The following HDAC9 variants were observed in gnomAD, a reference collection of about 807,000 sequenced individuals.
HDAC9 encodes MEF-2 interacting transcription repressor (MITR) protein.
In HDAC9, 41 loss-of-function variants were observed where a neutral mutation model predicts 139.4. The observed-to-expected ratio is 0.29, with a 90% CI of 0.23 to 0.38. The LOEUF (loss-of-function observed/expected upper bound fraction) is 0.38. Among genes scored for constraint, HDAC9 ranks in the 10% least tolerant of loss-of-function variants. The pLI, the probability that HDAC9 is intolerant of heterozygous loss-of-function variation, is 1.00. For missense variants in HDAC9, 1,147 were observed against 1,297.0 expected, an observed-to-expected ratio of 0.88 and a Z score of 1.78; for synonymous variants, 517 against 476.2, an observed-to-expected ratio of 1.09 and a Z score of -1.12.
At chr7:18,837,545 C>G (rs1443764647) in intron 21 of HDAC9, among the ~76,000 whole-genome samples, 1 of 152,044 alleles carries the variant, frequency 6.6e-6, no homozygotes, top group East Asian at 1.9e-4. Flanking sequence ...GTTAAATACA[C>G]ATTAAATTCT....
intron 1 of HDAC9, among the ~76,000 whole-genome samples, chr7:18,371,956 A>G (rs978607566): frequency 6.6e-6 from 1 of 152,180 alleles, no homozygotes; most frequent in African/African-American, 2.4e-5. Flanking sequence ...TTCTCGAGGT[A>G]ATGACAGATC....
rs532694081 is a variant in HDAC9 at position 18,443,815 on chromosome 7, C to CAT, written c.-41-52437_-41-52436dup. ...CTCTGTGTGTGTGTGTATATATATA[C>CAT]ATATATATATACACATTTGTATAAA... On this transcript the variant is annotated intron_variant, in intron 1 of 3. Transcript: ENST00000413509. 1.2e-3 allele frequency among the ~76,000 whole-genome samples: 184 copies of CAT among 150,594 alleles called. 2 individuals carry two copies. The South Asian group carries it at 0.026, about 22-fold the overall frequency.
At chr7:18,619,909 T>C (rs949651027) in intron 6 of HDAC9, among the ~76,000 whole-genome samples, 1 of 152,098 alleles carries the variant, frequency 6.6e-6, no homozygotes, top group Non-Finnish European at 1.5e-5. Context: ...CCCTGGAGGA[T>C]CCTCTTTCAA....
chr7:18,384,379 A>G (rs1785721340), intron 1 of HDAC9, among the ~76,000 whole-genome samples: 1 of 152,166 alleles, frequency 6.6e-6, no homozygotes, highest in Admixed American at 6.5e-5. Flanking sequence ...TAATGCTAAA[A>G]TATTTATAGT....
intron 1 of HDAC9, among the ~76,000 whole-genome samples, chr7:18,107,554 C>T (rs944273017): frequency 3.9e-5 from 6 of 151,940 alleles, no homozygotes; most frequent in African/African-American, 7.3e-5. Context: ...AGACAGACAC[C>T]TCCTTTAAAA....
chr7:18,786,805 T>G (rs1791849773), intron 16 of HDAC9, among the ~76,000 whole-genome samples: 1 of 82,180 alleles, frequency 1.2e-5, no homozygotes. Flanking sequence ...CTTTCCTTCC[T>G]TCCTTCCTTC....
chr7:18,496,335 C>T lies in HDAC9; in HGVS notation c.22+11C>T, dbSNP rs1171742013. Reference sequence around the variant, plus strand: ...GTATGATCAGCTCAGGTAAGATCCTCTTTCATAACTGAGACGTTTTAGGTT... The same window carrying T: ...GTATGATCAGCTCAGGTAAGATCCTTTTTCATAACTGAGACGTTTTAGGTT... On this transcript the variant is annotated intron_variant, in intron 2 of 25. Transcript: ENST00000686413. The T allele has an allele frequency of 2.0e-5, 33 of 1,610,734 alleles. No homozygotes were observed. The highest frequency in any genetic ancestry group is 2.4e-5 in the Non-Finnish European group (28 of 1,177,696).
intron 24 of HDAC9, among the ~76,000 whole-genome samples, chr7:18,956,887 G>A (rs570861557): frequency 1.3e-5 from 2 of 152,172 alleles, no homozygotes; most frequent in East Asian, 3.9e-4. Flanking sequence ...CACATAGAAG[G>A]GCCCCATCCT....
At position 18,768,163 on chromosome 7, in the gene HDAC9, C is replaced by T. The variant is rs1585003143; in HGVS notation, c.2214+1008C>T. Among the ~76,000 whole-genome samples the T allele has an allele frequency of 2.6e-5, 4 of 152,242 alleles. No individual in the cohort carries two copies. In the South Asian group the frequency reaches 6.2e-4, roughly 24 times the overall value. The stretch of plus-strand genomic sequence containing the variant: ...TGCCGACAAACAAGTTCCAAAACAA[C>T]CTTGTGAAATAGTCATTAACACCAT... On this transcript the variant is annotated intron_variant, in intron 16 of 25. Coordinates refer to ENST00000686413, the MANE Select transcript of HDAC9 (RefSeq NM_178425.4).
intron 2 of HDAC9, among the ~76,000 whole-genome samples, chr7:18,190,836 TTTTAAATA>T (rs1790299471): frequency 6.6e-6 from 1 of 152,186 alleles, no homozygotes; most frequent in Non-Finnish European, 1.5e-5. Flanking sequence ...CCCAAATTCC[TTTTAAATA>T]TTTAAATATT....
At chr7:18,934,016 G>A (rs1330201032) in intron 22 of HDAC9, among the ~76,000 whole-genome samples, 7 of 151,932 alleles carry the variant, frequency 4.6e-5, no homozygotes, top group South Asian at 4.1e-4. Flanking sequence ...CTTAGATCAA[G>A]GAAATATTTA....
intron 1 of HDAC9, among the ~76,000 whole-genome samples, chr7:18,408,459 A>G (rs1788227360): frequency 6.6e-6 from 1 of 152,176 alleles, no homozygotes; most frequent in Admixed American, 6.5e-5. Flanking sequence ...TAAATCTTTT[A>G]ATTTCCTTCT....
chr7:18,572,094 T>A (rs1485043142), intron 2 of HDAC9, among the ~76,000 whole-genome samples: 3 of 151,916 alleles, frequency 2.0e-5, no homozygotes, highest in African/African-American at 7.2e-5. Flanking sequence ...TTAGAAAGAA[T>A]GTTGTTAGAG....
chr7:18,335,299 G>A (rs960504556), intron 1 of HDAC9, among the ~76,000 whole-genome samples: 6 of 151,532 alleles, frequency 4.0e-5, no homozygotes, highest in Non-Finnish European at 8.9e-5. Context: ...AATAGCTGCA[G>A]AGAGATAAAA....
intron 2 of HDAC9, chr7:18,162,441 G>T (rs1787694795): frequency 8.0e-7 from 1 of 1,255,634 alleles, no homozygotes; most frequent in Non-Finnish European, 1.1e-6. Flanking sequence ...ATTTATGAAG[G>T]AACTTTTTTT....
intron 2 of HDAC9, among the ~76,000 whole-genome samples, chr7:18,211,191 T>C (rs553951137): frequency 6.6e-6 from 1 of 152,362 alleles, no homozygotes; most frequent in African/African-American, 2.4e-5. Flanking sequence ...CCCGTTGTTT[T>C]ACAAAGCTCT....
intron 2 of HDAC9, among the ~76,000 whole-genome samples, chr7:18,220,195 T>C (rs1792598226): frequency 6.6e-6 from 1 of 152,192 alleles, no homozygotes. Flanking sequence ...ATTAAATTTA[T>C]GCTATAATTC....
chr7:18,728,966 C>G (rs1785796891), intron 13 of HDAC9, among the ~76,000 whole-genome samples: 2 of 152,126 alleles, frequency 1.3e-5, no homozygotes, highest in Non-Finnish European at 2.9e-5. Context: ...TCTGACTCTT[C>G]TACTTCCAGG....
intron 2 of HDAC9, among the ~76,000 whole-genome samples, chr7:18,164,952 A>G (rs751589678): frequency 4.0e-4 from 61 of 152,174 alleles, no homozygotes; most frequent in Admixed American, 7.9e-4. Context: ...GTGTTACCCA[A>G]TAGGGACACA....
Sources: gnomAD v4.1 joint callset for allele counts (sites outside exome capture counted in the v4.1 genomes callset) on GRCh38, gnomAD v4.1.1 for gene constraint, MANE v1.5 for transcripts, NCBI Gene and HGNC (gene_info 2026-07-23, HGNC 2026-07-21) for gene names.